The following CAMK1D variants were observed in gnomAD, a reference collection of about 807,000 sequenced individuals.
CAMK1D encodes the protein calcium/calmodulin-dependent protein kinase type 1D.
A neutral mutation model predicts 47.7 loss-of-function variants in CAMK1D; 9 were observed. The ratio of observed to expected loss-of-function variants is 0.19; its 90% CI spans 0.11 to 0.33. The LOEUF (loss-of-function observed/expected upper bound fraction) is 0.33. CAMK1D is among the 10% of genes least tolerant of loss of function. The pLI is 1.00. For synonymous variants in CAMK1D, 184 were observed against 184.9 expected (o/e 0.99, Z 0.04); for missense variants, 291 against 488.7 (o/e 0.60, Z 3.81).
intron 1 of CAMK1D, among the ~76,000 whole-genome samples, chr10:12,367,814 C>T (rs1053368893): frequency 2.6e-5 from 4 of 152,152 alleles, no homozygotes; most frequent in African/African-American, 7.2e-5. Flanking sequence ...CGGCTGCTCA[C>T]CTCCTGTTTT....
intron 3 of CAMK1D, among the ~76,000 whole-genome samples, chr10:12,729,150 G>A (rs1834779007): frequency 6.6e-6 from 1 of 152,164 alleles, no homozygotes; most frequent in Admixed American, 6.5e-5. Context: ...TTGGAGCATG[G>A]GACAGGGCAG....
intron 3 of CAMK1D, among the ~76,000 whole-genome samples, chr10:12,670,131 T>C (rs1840566236): frequency 6.7e-6 from 1 of 148,840 alleles, no homozygotes; most frequent in Non-Finnish European, 1.5e-5. Flanking sequence ...TTTTGCTTTT[T>C]TTTTTTTTTT....
chr10:12,380,645 C>G (rs2801496), intron 1 of CAMK1D, among the ~76,000 whole-genome samples: 44,203 of 152,008 alleles, frequency 0.29, 7,106 homozygotes, highest in South Asian at 0.42. Flanking sequence ...ATCACGAGGT[C>G]AGAGATCGAG....
At chr10:12,443,737 C>T (rs1269441351) in intron 1 of CAMK1D, among the ~76,000 whole-genome samples, 3 of 152,096 alleles carry the variant, frequency 2.0e-5, no homozygotes, top group Non-Finnish European at 4.4e-5. Flanking sequence ...TCAAGCGATT[C>T]TCCTGCCTCA....
chr10:12,492,097 T>A (rs1005925124), intron 1 of CAMK1D, among the ~76,000 whole-genome samples: 9 of 151,546 alleles, frequency 5.9e-5, no homozygotes, highest in Non-Finnish European at 1.0e-4. Context: ...TTTAATGCAT[T>A]TCTGACTGGA....
At chr10:12,480,135 G>A (rs765197985) in intron 1 of CAMK1D, among the ~76,000 whole-genome samples, 2 of 151,982 alleles carry the variant, frequency 1.3e-5, no homozygotes, top group Non-Finnish European at 2.9e-5. Flanking sequence ...TCCTCTAGTT[G>A]TTGATACCAA....
chr10:12,611,470 C>T (rs564260327), intron 2 of CAMK1D, among the ~76,000 whole-genome samples: 19 of 152,182 alleles, frequency 1.2e-4, no homozygotes, highest in African/African-American at 1.9e-4. Context: ...GAGGAAGCTC[C>T]GCCTGGGCCT....
intron 1 of CAMK1D, among the ~76,000 whole-genome samples, chr10:12,500,755 G>A (rs774527540): frequency 9.2e-5 from 14 of 152,162 alleles, no homozygotes; most frequent in Non-Finnish European, 1.8e-4. Context: ...CATGAAGTGT[G>A]GATTCTTTGC....
intron 3 of CAMK1D, among the ~76,000 whole-genome samples, chr10:12,722,726 A>G (rs2130789087): frequency 6.6e-6 from 1 of 152,322 alleles, no homozygotes; most frequent in African/African-American, 2.4e-5. Context: ...ACTTGAAGCT[A>G]TAAGATTAAA....
At chr10:12,726,310 G>C (rs1216238510) in intron 3 of CAMK1D, among the ~76,000 whole-genome samples, 1 of 152,030 alleles carries the variant, frequency 6.6e-6, no homozygotes, top group Non-Finnish European at 1.5e-5. Context: ...TGTAGTCCCA[G>C]CTACTTGGGA....
At chr10:12,507,550 C>G (rs1588567226) in intron 1 of CAMK1D, among the ~76,000 whole-genome samples, 1 of 152,030 alleles carries the variant, frequency 6.6e-6, no homozygotes, top group South Asian at 2.1e-4. Flanking sequence ...AGTGGGTGAT[C>G]TAGTAGATTG....
At chr10:12,417,552 A>G (rs1176062529) in intron 1 of CAMK1D, among the ~76,000 whole-genome samples, 4 of 152,086 alleles carry the variant, frequency 2.6e-5, no homozygotes, top group Admixed American at 6.5e-5. Flanking sequence ...TGGGGTGGGG[A>G]GATGGCTTGG....
intron 1 of CAMK1D, among the ~76,000 whole-genome samples, chr10:12,526,353 T>C (rs965616988): frequency 1.3e-5 from 2 of 152,210 alleles, no homozygotes; most frequent in Non-Finnish European, 2.9e-5. Context: ...CCATGTTTCT[T>C]TGGGTGTGTT....
intron 6 of CAMK1D, among the ~76,000 whole-genome samples, chr10:12,801,610 ATCCT>A (rs1014757398): frequency 2.0e-5 from 3 of 152,056 alleles, no homozygotes; most frequent in Admixed American, 6.5e-5. Context: ...CCATTCATCC[ATCCT>A]TCCATCCATC....
chr10:12,503,523 G>C (rs1834770604), intron 1 of CAMK1D, among the ~76,000 whole-genome samples: 1 of 152,158 alleles, frequency 6.6e-6, no homozygotes, highest in Non-Finnish European at 1.5e-5. Context: ...AGAGAGAAGG[G>C]AGTGGGCAAG....
chr10:12,827,795 C>A (rs75575019), intron 10 of CAMK1D, among the ~76,000 whole-genome samples: 102,980 of 151,418 alleles, frequency 0.68, 35,711 homozygotes, highest in East Asian at 0.85. Context: ...CTCAAGTAAT[C>A]CTCCTGTCTC....
intron 1 of CAMK1D, among the ~76,000 whole-genome samples, chr10:12,477,969 A>ATTACCC (rs1833949397): frequency 6.6e-6 from 1 of 150,622 alleles, no homozygotes; most frequent in Non-Finnish European, 1.5e-5. Flanking sequence ...CCATCTGGCT[A>ATTACCC]TTATGCCTCT....
At chr10:12,716,779 C>A (rs1834152942) in intron 3 of CAMK1D, among the ~76,000 whole-genome samples, 1 of 152,086 alleles carries the variant, frequency 6.6e-6, no homozygotes, top group African/African-American at 2.4e-5. Context: ...GGTATCTTGA[C>A]CCAGTGTGCA....
At chr10:12,635,092 T>G (rs1485200302) in intron 2 of CAMK1D, among the ~76,000 whole-genome samples, 1 of 152,010 alleles carries the variant, frequency 6.6e-6, no homozygotes, top group Admixed American at 6.6e-5. Flanking sequence ...ATCAACAAGA[T>G]AATTTTGGAA....
Sources: allele counts gnomAD v4.1 joint callset (sites outside exome capture counted in the v4.1 genomes callset), GRCh38; gene constraint gnomAD v4.1.1; transcripts MANE v1.5; gene names NCBI Gene and HGNC (gene_info 2026-07-23, HGNC 2026-07-21).